Variants in DGAT2 observed in about 807,000 individuals in gnomAD.
The protein encoded by DGAT2 is diacylglycerol O-acyltransferase 2.
Under a neutral mutation model 48.4 loss-of-function variants are expected in DGAT2, and 33 were observed. The ratio of observed to expected loss-of-function variants is 0.68; its 90% confidence interval spans 0.52 to 0.91. The LOEUF is 0.91. Ranked by LOEUF, DGAT2 falls within the 40% of genes least tolerant of loss-of-function variation. DGAT2 has a pLI of 0.00. For synonymous variants in DGAT2, 191 were observed against 194.1 expected, an observed-to-expected ratio of 0.98 and a Z score of 0.13; for missense variants, 446 against 493.7, an observed-to-expected ratio of 0.90 and a Z score of 0.92.
chr11:75,784,271 C>G (rs181758857), intron 1 of DGAT2: 159 of 174,398 alleles, frequency 9.1e-4, no homozygotes, highest in African/African-American at 3.5e-3. Context: ...AGGAGTTTGA[C>G]TGGGGTGGAG....
chr11:75,780,679 G>A (rs1245593484), intron 1 of DGAT2, among the ~76,000 whole-genome samples: 1 of 152,206 alleles, frequency 6.6e-6, no homozygotes, highest in Non-Finnish European at 1.5e-5. Context: ...TTTGTTGTGG[G>A]GAGCAGAGAG....
chr11:75,772,945 G>A lies in DGAT2; in HGVS notation c.121+3833G>A, dbSNP rs965300619. ...GAGGAGGTTACAGTGAGCCAAGGTT[G>A]TGCTACTGCACTCCAGCGTGGGTAA... On this transcript the variant is annotated intron_variant, in intron 1 of 7. Coordinates refer to ENST00000228027, the MANE Select transcript of DGAT2 (RefSeq NM_032564.5). Among the ~76,000 whole-genome samples the A allele has an allele frequency of 3.9e-5, 6 of 152,184 alleles. No homozygotes were observed. The South Asian group carries it at 1.2e-3, about 31-fold the overall frequency.
chr11:75,769,862 G>A (rs1173425183), intron 1 of DGAT2, among the ~76,000 whole-genome samples: 2 of 152,092 alleles, frequency 1.3e-5, no homozygotes, highest in East Asian at 3.9e-4. Context: ...CATCACAGCT[G>A]TCCTGGTCTG....
At chr11:75,788,956 G>T (rs1402291145) in intron 2 of DGAT2, among the ~76,000 whole-genome samples, 1 of 152,140 alleles carries the variant, frequency 6.6e-6, no homozygotes, top group East Asian at 1.9e-4. Context: ...CTTAAAGGTT[G>T]GGTAAAAAAT....
At chr11:75,784,792 C>G (rs772379389) in intron 2 of DGAT2, 46 bp downstream of exon 2, 3 of 1,612,036 alleles carry the variant, frequency 1.9e-6, no homozygotes, top group Non-Finnish European at 2.5e-6. Context: ...GCAGTGTCCA[C>G]TTCCCCAAAA....
At chr11:75,790,880 A>G in intron 4 of DGAT2, 149 bp downstream of exon 4, 1 of 768,606 alleles carries the variant, frequency 1.3e-6, no homozygotes. Context: ...TGGGGACCCC[A>G]CTGCTCTTCT....
chr11:75,797,203 A>G lies in DGAT2; in HGVS notation c.680A>G (p.Lys227Arg). Residue 227 changes from lysine to arginine, a missense_variant, in exon 6 of 8, where the codon AAG (lysine) becomes AGG (arginine). Coordinates refer to ENST00000228027, the MANE Select transcript of DGAT2 (RefSeq NM_032564.5). ...GACACCATAGACTATTTGCTTTCAA[A>G]GAATGGGAGTGGCAATGCTATCATC... The part of the protein sequence containing the change: ...SRDTIDYLLS[K>R]NGSGNAIIIV... 6.4e-7 allele frequency: 1 copy of G among 1,561,708 alleles called. No individual in the cohort carries two copies. Among genetic ancestry groups the G allele is most frequent in the Non-Finnish European group, 8.7e-7 (1 of 1,152,370 alleles).
At chr11:75,787,523 G>T (rs557167093) in intron 2 of DGAT2, among the ~76,000 whole-genome samples, 2 of 152,330 alleles carry the variant, frequency 1.3e-5, no homozygotes, top group South Asian at 4.1e-4. Context: ...CAGGAAGCAG[G>T]TGATGTGTGA....
intron 6 of DGAT2, among the ~76,000 whole-genome samples, chr11:75,797,888 C>T (rs1034922383): frequency 1.3e-5 from 2 of 152,132 alleles, no homozygotes; most frequent in Admixed American, 1.3e-4. Context: ...GAGTCCAGGG[C>T]TGAGAGAGGC....
intron 1 of DGAT2, among the ~76,000 whole-genome samples, chr11:75,780,241 C>G (rs1446991734): frequency 6.6e-6 from 1 of 152,226 alleles, no homozygotes; most frequent in Non-Finnish European, 1.5e-5. Context: ...CCACCAGCTT[C>G]TGCTGGACTC....
chr11:75,786,450 A>G (rs1287311772), intron 2 of DGAT2, among the ~76,000 whole-genome samples: 1 of 152,066 alleles, frequency 6.6e-6, no homozygotes, highest in Non-Finnish European at 1.5e-5. Context: ...AGCTACCACT[A>G]TCCCTGTCTT....
intron 1 of DGAT2, among the ~76,000 whole-genome samples, chr11:75,778,694 C>T (rs1944827915): frequency 6.6e-6 from 1 of 151,744 alleles, no homozygotes; most frequent in East Asian, 1.9e-4. Flanking sequence ...ATTAGCCGGG[C>T]GTTGTGGCGG....
rs757863455 is a variant in DGAT2 at position 75,797,266 on chromosome 11, T to G, written c.743T>G (p.Met248Arg). ...VGGAAESLSS[M>R]PGKNAVTLRN... ...GGTGCGGCTGAGTCTCTGAGCTCCA[T>G]GCCTGGCAAGAATGCAGTCACCCTG... Residue 248 changes from methionine (M) to arginine (R), a missense_variant, in exon 6 of 8, where the codon ATG becomes AGG. Coordinates refer to ENST00000228027, the MANE Select transcript of DGAT2 (RefSeq NM_032564.5). 7.0e-6 allele frequency: 11 copies of G among 1,578,812 alleles called. No homozygotes were observed. The African/African-American group carries it at 1.2e-4, about 18-fold the overall frequency.
chr11:75,800,224 C>A, intron 7 of DGAT2, 130 bp from the exon 8 acceptor site: 1 of 1,167,390 alleles, frequency 8.6e-7, no homozygotes, highest in East Asian at 2.6e-5. Context: ...AGAGATGCAG[C>A]ACATAAAGCA....
At chr11:75,780,858 G>A (rs773662487) in intron 1 of DGAT2, among the ~76,000 whole-genome samples, 4 of 152,254 alleles carry the variant, frequency 2.6e-5, no homozygotes, top group Non-Finnish European at 5.9e-5. Flanking sequence ...GCAAGGGCAT[G>A]GAGGGTCTCC....
intron 6 of DGAT2, 65 bp downstream of exon 6, chr11:75,797,397 T>C: frequency 7.3e-7 from 1 of 1,362,484 alleles, no homozygotes; most frequent in Non-Finnish European, 9.5e-7. Flanking sequence ...AGCAGACTCC[T>C]TGGCCCCTGA....
At position 75,774,494 on chromosome 11, in the gene DGAT2, C is replaced by T. The variant is rs115174635; in HGVS notation, c.121+5382C>T. ...TTAGCCATTCTAAGCCCTGCCTCTG[C>T]TTCCCATGTGACCTTGGGTATAACA... On this transcript the variant is annotated intron_variant, in intron 1 of 7. Coordinates refer to ENST00000228027, the MANE Select transcript of DGAT2 (RefSeq NM_032564.5). Among the ~76,000 whole-genome samples the T allele has an allele frequency of 9.9e-3, 1,515 of 152,358 alleles. 28 individuals are homozygous for T. The highest frequency in any genetic ancestry group is 0.035 in the African/African-American group (1,459 of 41,588).
chr11:75,769,676 A>G (rs1042954724), intron 1 of DGAT2, among the ~76,000 whole-genome samples: 1 of 151,304 alleles, frequency 6.6e-6, no homozygotes, highest in African/African-American at 2.4e-5. Context: ...GTTGAAATCA[A>G]CCCCCGCCCC....
At chr11:75,798,105 G>A (rs1590877468) in intron 6 of DGAT2, 122 bp from the exon 7 acceptor site, 2 of 991,770 alleles carry the variant, frequency 2.0e-6, no homozygotes, top group Non-Finnish European at 3.1e-6. Flanking sequence ...GGGACACCCA[G>A]GTAATTCTGG....
Sources: allele counts gnomAD v4.1 joint callset (sites outside exome capture counted in the v4.1 genomes callset), GRCh38; gene constraint gnomAD v4.1.1; transcripts MANE v1.5; gene names NCBI Gene and HGNC (gene_info 2026-07-23, HGNC 2026-07-21).